The following ACP3 variants were observed in gnomAD, a reference collection of about 807,000 sequenced individuals.
ACP3 encodes the protein acid phosphatase 3.
Under a neutral mutation model 45.6 loss-of-function variants are expected in ACP3, and 38 were observed. The observed-to-expected ratio is 0.83, with a 90% CI of 0.64 to 1.09. The LOEUF (loss-of-function observed/expected upper bound fraction) is 1.09. Among genes scored for constraint, ACP3 ranks in the 50% least tolerant of loss-of-function variants. The pLI, the probability that ACP3 is intolerant of heterozygous loss-of-function variation, is 0.00. For missense variants in ACP3, 466 were observed against 463.2 expected (o/e 1.01, Z -0.05); for synonymous variants, 162 against 164.7 (o/e 0.98, Z 0.13).
chr3:132,326,222 T>A (rs746392800), intron 1 of ACP3, among the ~76,000 whole-genome samples: 3 of 152,186 alleles, frequency 2.0e-5, no homozygotes, highest in Non-Finnish European at 2.9e-5. Flanking sequence ...CAACAAAGAA[T>A]TATCTAGCCC....
In ACP3 at chr3:132,356,684, A is replaced by C. The variant is rs558169795; in HGVS notation, c.969-2A>C. 1.2e-6 allele frequency: 2 copies of C among 1,613,796 alleles called. No homozygotes were observed. Among genetic ancestry groups the C allele is most frequent in the African/African-American group, 2.7e-5 (2 of 74,924 alleles). On this transcript the variant is annotated splice_acceptor_variant, in intron 9 of 9. Coordinates refer to ENST00000336375, the MANE Select transcript of ACP3 (RefSeq NM_001099.5). LOFTEE classifies it high-confidence loss of function. ...GCTCTCTCCTCTGCCTTTGTCTGCC[A>C]GGGAGTACTTTGTGGAGATGTACTA...
chr3:132,342,450 A>C, intron 5 of ACP3, 102 bp from the exon 6 acceptor site: 1 of 761,788 alleles, frequency 1.3e-6, no homozygotes, highest in East Asian at 2.5e-5. Context: ...TATAATGCAC[A>C]GGAGAGCTCC....
intron 1 of ACP3, among the ~76,000 whole-genome samples, chr3:132,319,436 T>G (rs1937166473): frequency 6.6e-6 from 1 of 152,208 alleles, no homozygotes; most frequent in Admixed American, 6.5e-5. Flanking sequence ...CTGTTCTGAG[T>G]GTTCAATATG....
At chr3:132,365,793 C>T (rs1002961004) in intron 10 of ACP3, among the ~76,000 whole-genome samples, 1 of 151,986 alleles carries the variant, frequency 6.6e-6, no homozygotes, top group African/African-American at 2.4e-5. Context: ...TCATGGTCAG[C>T]CTGGTCAACA....
chr3:132,350,573 T>G (rs971223960), intron 8 of ACP3, among the ~76,000 whole-genome samples: 11 of 152,212 alleles, frequency 7.2e-5, no homozygotes, highest in Non-Finnish European at 1.5e-5. Context: ...ATTAGCCACA[T>G]TTCAGGTGTT....
At chr3:132,359,329 G>T (rs565120340), downstream of ACP3, among the ~76,000 whole-genome samples, 1 of 152,086 alleles carries the variant, frequency 6.6e-6, no homozygotes, top group Non-Finnish European at 1.5e-5. Flanking sequence ...TGGCTAACAC[G>T]GTGAAACCCC....
At chr3:132,346,605 A>G (rs981812059) in intron 7 of ACP3, among the ~76,000 whole-genome samples, 24 of 152,240 alleles carry the variant, frequency 1.6e-4, no homozygotes, top group Admixed American at 2.6e-4. Flanking sequence ...GGCAGAACCC[A>G]GGAAGAAGCT....
chr3:132,332,160 C>T (rs766827197), intron 3 of ACP3, 32 bp from the exon 4 acceptor site: 49 of 1,613,572 alleles, frequency 3.0e-5, no homozygotes, highest in Non-Finnish European at 4.0e-5. Flanking sequence ...GCTCCCTTTA[C>T]GTTCGCTTCT....
exon 11 of ACP3, chr3:132,367,768 T>G (rs770879497): frequency 1.3e-5 from 21 of 1,613,998 alleles, no homozygotes; most frequent in Non-Finnish European, 1.7e-5. Context: ...TACTACTGTT[T>G]ATCCACATTC....
At position 132,367,986 on chromosome 3, in the gene ACP3, T is replaced by C. The variant is rs957696696; in HGVS notation, c.*164T>C. 17 of 603,130 alleles carry C rather than the reference T, an allele frequency of 2.8e-5. No individual in the cohort carries two copies. The African/African-American group carries it at 3.1e-4, about 11-fold the overall frequency. 37.4% of individuals were successfully genotyped at this position (603,130 alleles called of 1,614,324 possible). A position where few individuals can be genotyped will look rare whatever the true frequency, so the allele number is the denominator to read the frequency against. On this transcript the variant is annotated 3_prime_UTR_variant, in exon 11 of 11. Coordinates refer to the ACP3 transcript ENST00000351273. The stretch of plus-strand genomic sequence containing the variant: ...GAACTCACAGTGACCCACAGGCTGC[T>C]GCTGGATGAACACTCAGGCTACCTA...
chr3:132,360,744 G>C (rs1938025501), downstream of ACP3, among the ~76,000 whole-genome samples: 1 of 152,202 alleles, frequency 6.6e-6, no homozygotes, highest in South Asian at 2.1e-4. Flanking sequence ...CTAGTGAGAA[G>C]TCCCAGTTTT....
chr3:132,353,345 C>T (rs990097161), intron 9 of ACP3, among the ~76,000 whole-genome samples: 2 of 152,096 alleles, frequency 1.3e-5, no homozygotes, highest in African/African-American at 2.4e-5. Flanking sequence ...GCCAAATGTC[C>T]CAGTTCACCA....
chr3:132,336,012 G>A (rs1937482994), intron 4 of ACP3, among the ~76,000 whole-genome samples: 1 of 152,174 alleles, frequency 6.6e-6, no homozygotes, highest in Non-Finnish European at 1.5e-5. Context: ...TGTAATCCCA[G>A]CACTTTGGGA....
chr3:132,346,918 A>G (rs1016775124), intron 7 of ACP3, among the ~76,000 whole-genome samples: 1 of 152,228 alleles, frequency 6.6e-6, no homozygotes, highest in Non-Finnish European at 1.5e-5. Flanking sequence ...ATAAAATCCC[A>G]ACATGCTTTA....
At chr3:132,356,518 C>T (rs1397537736) in intron 9 of ACP3, among the ~76,000 whole-genome samples, 168 bp from the exon 10 acceptor site, 4 of 152,126 alleles carry the variant, frequency 2.6e-5, no homozygotes, top group Non-Finnish European at 5.9e-5. Context: ...CAAATCTCTC[C>T]CGCCTGCCCC....
chr3:132,353,368 G>A (rs7614025), intron 9 of ACP3, among the ~76,000 whole-genome samples: 71,963 of 151,608 alleles, frequency 0.47, 17,804 homozygotes, highest in Middle Eastern at 0.65. Context: ...ATTGACCCAT[G>A]AAATCTGGTG....
At chr3:132,353,173 G>T (rs1296996610) in intron 9 of ACP3, among the ~76,000 whole-genome samples, 1 of 152,112 alleles carries the variant, frequency 6.6e-6, no homozygotes, top group Non-Finnish European at 1.5e-5. Context: ...TTCAATTAAA[G>T]AATTCAAACA....
At position 132,349,951 on chromosome 3, in the gene ACP3, G is replaced by T. The variant is rs187137862; in HGVS notation, c.813G>T (p.Met271Ile). Residue 271 changes from methionine (M) to isoleucine (I), a missense_variant, in exon 8 of 10, where the codon ATG (methionine) becomes ATT (isoleucine). Met to Ile is a conservative substitution (Grantham distance 10). Transcript: ENST00000336375. ...TGGTCAATGAAATCCTCAATCACAT[G>T]AAGAGAGCAACTCAGATACCAAGCT... ...GVLVNEILNH[M>I]KRATQIPSYK... is the part of the protein sequence containing the mutation. The T allele has an allele frequency of 6.2e-7, 1 of 1,612,938 alleles. No individual in the cohort carries two copies. The highest frequency in any genetic ancestry group is 8.5e-7 in the Non-Finnish European group (1 of 1,179,130).
intron 2 of ACP3, among the ~76,000 whole-genome samples, chr3:132,329,521 C>T (rs1048352776): frequency 6.6e-5 from 10 of 152,162 alleles, no homozygotes; most frequent in African/African-American, 2.4e-4. Context: ...CTCACCATAG[C>T]CTACCCATCT....
Sources: allele counts gnomAD v4.1 joint callset (sites outside exome capture counted in the v4.1 genomes callset), GRCh38; gene constraint gnomAD v4.1.1; transcripts MANE v1.5; gene names NCBI Gene and HGNC (gene_info 2026-07-23, HGNC 2026-07-21).